NRG3: variants seen among roughly 807,000 people sequenced by gnomAD.
The protein encoded by NRG3 is neuregulin 3.
In NRG3, 31 loss-of-function variants were observed where a neutral mutation model predicts 66.9. That is an observed-to-expected ratio of 0.46 (90% CI 0.35 to 0.63). NRG3 has a LOEUF of 0.63. Ranked by LOEUF, NRG3 falls within the 20% of genes least tolerant of loss-of-function variation. NRG3 has a pLI of 0.00. For synonymous variants in NRG3, 393 were observed against 359.4 expected (o/e 1.09, Z -1.06); for missense variants, 910 against 878.9 (o/e 1.04, Z -0.45).
At chr10:82,461,806 G>A (rs551442187) in intron 2 of NRG3, among the ~76,000 whole-genome samples, 1 of 152,180 alleles carries the variant, frequency 6.6e-6, no homozygotes, top group South Asian at 2.1e-4. Flanking sequence ...GTAAGAGACT[G>A]CTGCAGTAAA....
At chr10:82,737,889 A>G (rs2058231937) in intron 2 of NRG3, among the ~76,000 whole-genome samples, 1 of 152,188 alleles carries the variant, frequency 6.6e-6, no homozygotes, top group Non-Finnish European at 1.5e-5. Flanking sequence ...TGCCCGCCTC[A>G]GGACAGTTGG....
intron 1 of NRG3, among the ~76,000 whole-genome samples, chr10:82,048,666 A>T (rs2063435004): frequency 1.3e-5 from 2 of 151,840 alleles, no homozygotes; most frequent in African/African-American, 4.8e-5. Context: ...CAAAACTGAC[A>T]CCCTAACATC....
intron 1 of NRG3, among the ~76,000 whole-genome samples, chr10:82,118,709 T>C (rs753192979): frequency 9.2e-5 from 14 of 152,140 alleles, no homozygotes; most frequent in Non-Finnish European, 1.6e-4. Context: ...GTATTGTTAA[T>C]GCTGAAAATA....
intron 4 of NRG3, among the ~76,000 whole-genome samples, chr10:82,923,726 T>G (rs545034059): frequency 7.9e-5 from 12 of 152,030 alleles, no homozygotes; most frequent in Non-Finnish European, 1.6e-4. Context: ...TTAAGTAGGT[T>G]AAAACAGGCC....
At chr10:82,117,522 AGTCTCTGTGTGTGT>A (rs2067805177) in intron 1 of NRG3, among the ~76,000 whole-genome samples, 1 of 152,022 alleles carries the variant, frequency 6.6e-6, no homozygotes, top group African/African-American at 2.4e-5. Context: ...AGAATTGGAG[AGTCTCTGTGTGTGT>A]GTCTCTGTGT....
chr10:82,150,530 CAAAAAAAAAA>C (rs1188955647), intron 1 of NRG3, among the ~76,000 whole-genome samples: 4 of 26,690 alleles, frequency 1.5e-4, no homozygotes, highest in African/African-American at 4.5e-4. Context: ...AGAGCACACA[CAAAAAAAAAA>C]AAAAAAAAAA....
chr10:81,924,442 A>G (rs946766535), intron 1 of NRG3, among the ~76,000 whole-genome samples: 4 of 152,228 alleles, frequency 2.6e-5, no homozygotes, highest in African/African-American at 7.2e-5. Context: ...CTTTTCCTCC[A>G]TGTACCCTTG....
At chr10:82,301,992 T>A (rs2080431061) in intron 1 of NRG3, among the ~76,000 whole-genome samples, 1 of 151,960 alleles carries the variant, frequency 6.6e-6, no homozygotes, top group Non-Finnish European at 1.5e-5. Context: ...AGAGAAAAGG[T>A]GGCAATATGT....
chr10:82,980,734 G>C (rs1339094344), intron 8 of NRG3, among the ~76,000 whole-genome samples: 1 of 152,156 alleles, frequency 6.6e-6, no homozygotes, highest in Admixed American at 6.5e-5. Context: ...ACTGTAAAAG[G>C]CATTTGGTAC....
intron 1 of NRG3, among the ~76,000 whole-genome samples, chr10:82,155,106 AC>A (rs2132852280): frequency 6.6e-6 from 1 of 151,922 alleles, no homozygotes; most frequent in East Asian, 1.9e-4. Flanking sequence ...AACAGGTTAG[AC>A]AGCATGGAGG....
chr10:82,980,476 C>T (rs746880414), intron 8 of NRG3, among the ~76,000 whole-genome samples: 16 of 152,122 alleles, frequency 1.1e-4, no homozygotes, highest in East Asian at 1.9e-4. Flanking sequence ...TCTCTCTGAA[C>T]GAGCCAAGCC....
intron 1 of NRG3, among the ~76,000 whole-genome samples, chr10:82,299,006 G>T (rs1489969442): frequency 6.6e-6 from 1 of 152,126 alleles, no homozygotes; most frequent in Non-Finnish European, 1.5e-5. Context: ...TGTTCAGAGA[G>T]ATGGAGGCTT....
rs774972809 is a variant in NRG3 at position 81,949,983 on chromosome 10, A to G, written c.823+73820A>G. Among the ~76,000 whole-genome samples, 70 of 152,236 alleles carry G rather than the reference A, an allele frequency of 4.6e-4. 1 individual carries two copies. Among genetic ancestry groups the G allele is most frequent in the Non-Finnish European group, 7.9e-4 (54 of 68,012 alleles). On this transcript the variant is annotated intron_variant, in intron 1 of 8. Coordinates refer to ENST00000372141, the MANE Select transcript of NRG3 (RefSeq NM_001010848.4). ...GGGCTGCACTGAAGGCCACATCTCT[A>G]TTGCCCAGATTTCCCAGGGGACTCT...
intron 1 of NRG3, among the ~76,000 whole-genome samples, chr10:81,910,486 G>C (rs1005833024): frequency 3.3e-5 from 5 of 152,054 alleles, no homozygotes; most frequent in African/African-American, 1.2e-4. Context: ...TGTAATCTAT[G>C]GGAAGCCACA....
intron 1 of NRG3, among the ~76,000 whole-genome samples, chr10:82,066,380 C>T (rs2064464561): frequency 1.3e-5 from 2 of 152,116 alleles, no homozygotes; most frequent in African/African-American, 2.4e-5. Context: ...TAAATGTACA[C>T]TCTGTCTATC....
intron 2 of NRG3, among the ~76,000 whole-genome samples, chr10:82,485,007 TA>T (rs763372966): frequency 3.3e-5 from 5 of 152,190 alleles, no homozygotes; most frequent in Non-Finnish European, 5.9e-5. Flanking sequence ...TGCATACCTA[TA>T]AAGTAAAAAT....
chr10:82,821,339 G>C (rs2061945224), intron 3 of NRG3, among the ~76,000 whole-genome samples: 1 of 152,070 alleles, frequency 6.6e-6, no homozygotes, highest in Non-Finnish European at 1.5e-5. Context: ...CCTTTTTACA[G>C]CTGATTTCTT....
At chr10:82,322,205 A>T (rs574491848) in intron 1 of NRG3, among the ~76,000 whole-genome samples, 5 of 152,202 alleles carry the variant, frequency 3.3e-5, no homozygotes, top group Non-Finnish European at 5.9e-5. Context: ...AAATGAGAAG[A>T]TGTAGTTGTT....
chr10:82,343,365 C>T (rs762577819), intron 1 of NRG3, among the ~76,000 whole-genome samples: 12 of 152,066 alleles, frequency 7.9e-5, no homozygotes, highest in Non-Finnish European at 1.6e-4. Context: ...AAGATCTCTA[C>T]AAGCAAAACT....
Sources: allele counts gnomAD v4.1 joint callset (sites outside exome capture counted in the v4.1 genomes callset), GRCh38; gene constraint gnomAD v4.1.1; transcripts MANE v1.5; gene names NCBI Gene and HGNC (gene_info 2026-07-23, HGNC 2026-07-21).